Variants in IRF2 observed in about 807,000 individuals in gnomAD.
IRF2 encodes the protein interferon regulatory factor 2.
IRF2 carries 15 observed loss-of-function variants against 40.6 expected under a neutral mutation model. The ratio of observed to expected loss-of-function variants is 0.37; its 90% CI spans 0.25 to 0.57. The LOEUF (loss-of-function observed/expected upper bound fraction) is 0.57. Ranked by LOEUF, IRF2 falls within the 20% of genes least tolerant of loss-of-function variation. The pLI is 0.77. For synonymous variants in IRF2, 151 were observed against 165.5 expected (o/e 0.91, Z 0.67); for missense variants, 317 against 455.7 (o/e 0.70, Z 2.77).
chr4:184,418,422 T>C lies in IRF2; in HGVS notation c.364+110A>G, dbSNP rs989784858. 5.5e-6 allele frequency: 6 copies of C among 1,093,596 alleles called. No individual in the cohort carries two copies. The Admixed American group carries it at 5.6e-5, about 10-fold the overall frequency. 67.7% of individuals were successfully genotyped at this position (1,093,596 alleles called of 1,614,324 possible). A position where few individuals can be genotyped will look rare whatever the true frequency, so the allele number is the denominator to read the frequency against. ...AGGGGCGGAATGATCCCCTACAGCA[T>C]GAACAGGCTATTCTACCTGCAAACT... On this transcript the variant is annotated intron_variant, in intron 4 of 8. Transcript: ENST00000393593.
At position 184,419,571 on chromosome 4, in the gene IRF2, G is replaced by GAAA. The variant is rs70959195; in HGVS notation, c.88-6_88-4dup. 52,123 of 893,304 alleles carry GAAA rather than the reference G, an allele frequency of 0.058. 870 individuals carry two copies. The highest frequency in any genetic ancestry group is 0.14 in the Admixed American group (4,875 of 35,330). The allele number at this position is 893,304 out of a possible 1,614,324, so 55.3% of individuals were successfully genotyped here. A position where few individuals can be genotyped will look rare whatever the true frequency, so the allele number is the denominator to read the frequency against. On this transcript the variant is annotated splice_polypyrimidine_tract_variant and splice_region_variant and intron_variant, in intron 2 of 8. Transcript: ENST00000393593. ...GGGATCTGAAAAATCTTCTTTTCCT[G>GAAA]AAAAAAAAAAAAAAAAAAAAGGTAA...
chr4:184,449,882 T>C (rs1176714426), intron 1 of IRF2, among the ~76,000 whole-genome samples: 1 of 152,216 alleles, frequency 6.6e-6, no homozygotes, highest in Non-Finnish European at 1.5e-5. Context: ...GGAGCACTTC[T>C]GAATGTGAAT....
intron 1 of IRF2, chr4:184,473,822 G>C (rs1739621805): frequency 6.6e-6 from 1 of 151,888 alleles, no homozygotes; most frequent in African/African-American, 2.4e-5. Flanking sequence ...AGGCAGCCTG[G>C]AGAGGCGCCG....
intron 1 of IRF2, among the ~76,000 whole-genome samples, chr4:184,430,363 A>AGCCTTTTCCTTGTATGCCTC (rs1378642835): frequency 2.6e-4 from 39 of 150,784 alleles, no homozygotes; most frequent in East Asian, 3.9e-4. Context: ...AGTCTGGCCC[A>AGCCTTTTCCTTGTATGCCTC]CTGACTGCTG....
intron 8 of IRF2, among the ~76,000 whole-genome samples, 163 bp downstream of exon 8, chr4:184,390,540 A>C (rs968486928): frequency 6.6e-6 from 1 of 152,178 alleles, no homozygotes; most frequent in African/African-American, 2.4e-5. Context: ...CCAAACCCAA[A>C]AGTATGGTAA....
intron 1 of IRF2, among the ~76,000 whole-genome samples, chr4:184,467,066 A>G (rs181271683): frequency 6.6e-6 from 1 of 152,332 alleles, no homozygotes; most frequent in Admixed American, 6.5e-5. Flanking sequence ...ACTACTCACA[A>G]CTTCATGTTT....
At chr4:184,460,655 A>ACACG in intron 1 of IRF2, among the ~76,000 whole-genome samples, 2 of 134,998 alleles carry the variant, frequency 1.5e-5, no homozygotes, top group African/African-American at 5.2e-5. Flanking sequence ...ACACACACAC[A>ACACG]CATGCACGCG....
intron 1 of IRF2, among the ~76,000 whole-genome samples, chr4:184,473,430 C>T (rs1445177554): frequency 1.4e-5 from 2 of 147,512 alleles, no homozygotes; most frequent in East Asian, 1.9e-4. Flanking sequence ...GGCCGCGGCC[C>T]GGGCGGCTGA....
intron 1 of IRF2, among the ~76,000 whole-genome samples, chr4:184,453,407 C>G (rs1170257848): frequency 6.6e-6 from 1 of 152,210 alleles, no homozygotes; most frequent in Non-Finnish European, 1.5e-5. Flanking sequence ...CATATGGACT[C>G]GAGCACATAC....
intron 1 of IRF2, among the ~76,000 whole-genome samples, chr4:184,440,530 G>A (rs569709663): frequency 1.7e-4 from 26 of 152,340 alleles, no homozygotes; most frequent in Non-Finnish European, 2.5e-4. Context: ...TCATGCCTCC[G>A]TCTTGTTTGC....
intron 7 of IRF2, among the ~76,000 whole-genome samples, chr4:184,391,966 C>T (rs1736277574): frequency 6.6e-6 from 1 of 152,242 alleles, no homozygotes; most frequent in Non-Finnish European, 1.5e-5. Context: ...ACACAGCACA[C>T]ACTCCATACA....
chr4:184,408,671 A>G lies in IRF2; in HGVS notation c.412-396T>C, dbSNP rs1736954957. Among the ~76,000 whole-genome samples the G allele has an allele frequency of 6.6e-6, 1 of 152,228 alleles. No homozygotes were observed. Among genetic ancestry groups the G allele is most frequent in the Non-Finnish European group, 1.5e-5 (1 of 68,044 alleles). ...AATCAATGCCTGGCTTTCACCAGGG[A>G]GGAATCATGCTACCTCTTTCATAAT... On this transcript the variant is annotated intron_variant, in intron 5 of 8. Coordinates refer to ENST00000393593, the MANE Select transcript of IRF2 (RefSeq NM_002199.4). This position sits in a 1 kb window ranked among gnomAD's most constrained non-coding sequence, Gnocchi z 4.9.
intron 2 of IRF2, 75 bp from the exon 3 acceptor site, chr4:184,419,643 A>C: frequency 1.0e-6 from 1 of 964,154 alleles, no homozygotes; most frequent in Admixed American, 2.2e-5. Context: ...AAGGTTGTGA[A>C]GGTCTAGCCA....
chr4:184,466,382 T>G (rs1005000491), intron 1 of IRF2, among the ~76,000 whole-genome samples: 4 of 152,220 alleles, frequency 2.6e-5, no homozygotes, highest in African/African-American at 9.7e-5. Flanking sequence ...AAACACATTA[T>G]CAGCCCATTC....
chr4:184,439,848 T>C (rs1392753432), intron 1 of IRF2, among the ~76,000 whole-genome samples: 1 of 152,188 alleles, frequency 6.6e-6, no homozygotes, highest in African/African-American at 2.4e-5. Context: ...TATGTGTGTG[T>C]GCACAAAAGT....
chr4:184,424,417 GC>G (rs906842138), intron 2 of IRF2, among the ~76,000 whole-genome samples: 3 of 152,186 alleles, frequency 2.0e-5, no homozygotes, highest in African/African-American at 7.2e-5. Flanking sequence ...GAGAGGTGAG[GC>G]CTTTAAGAGG....
At chr4:184,415,580 G>A (rs192683556) in intron 5 of IRF2, among the ~76,000 whole-genome samples, 25 of 152,290 alleles carry the variant, frequency 1.6e-4, no homozygotes, top group Admixed American at 2.6e-4. Context: ...AATCCATTAC[G>A]TGTCATGGTT....
At chr4:184,433,611 A>G (rs1737970280) in intron 1 of IRF2, among the ~76,000 whole-genome samples, 2 of 152,222 alleles carry the variant, frequency 1.3e-5, no homozygotes. Context: ...AGAGTAAAAA[A>G]TAAACTTAAA....
intron 1 of IRF2, among the ~76,000 whole-genome samples, chr4:184,440,366 C>CT (rs1195719369): frequency 6.6e-6 from 1 of 152,254 alleles, no homozygotes; most frequent in Non-Finnish European, 1.5e-5. Flanking sequence ...CCTATACTTA[C>CT]TGCGTGTCTG....
Sources: gnomAD v4.1 joint callset for allele counts (sites outside exome capture counted in the v4.1 genomes callset) on GRCh38, gnomAD v4.1.1 for gene constraint, Gnocchi (gnomAD v3.1) non-coding constraint, MANE v1.5 for transcripts, NCBI Gene and HGNC (gene_info 2026-07-23, HGNC 2026-07-21) for gene names.